The following IKBKB variants were observed in gnomAD, a reference collection of about 807,000 sequenced individuals.
IKBKB encodes the protein inhibitor of nuclear factor kappa-B kinase subunit beta.
Under a neutral mutation model 113.6 loss-of-function variants are expected in IKBKB, and 42 were observed. The observed-to-expected ratio is 0.37, with a 90% CI of 0.29 to 0.48. IKBKB has a LOEUF of 0.48. IKBKB is among the 20% of genes least tolerant of loss of function. IKBKB has a pLI of 0.99. For synonymous variants in IKBKB, 296 were observed against 361.3 expected (o/e 0.82, Z 2.05); for missense variants, 673 against 939.7 (o/e 0.72, Z 3.71).
Position 42,309,041 on chromosome 8 carries a change from G to A in IKBKB, c.692+16G>A. ...CCGTGCAGTGGTGAGTGGGCCCGGG[G>A]CACCTGGATGGAGGAGGGAGCCTGT... On this transcript the variant is annotated intron_variant, in intron 8 of 21. Transcript: ENST00000520810. The A allele has an allele frequency of 1.2e-6, 2 of 1,610,828 alleles. No individual in the cohort carries two copies. Among genetic ancestry groups the A allele is most frequent in the Non-Finnish European group, 1.7e-6 (2 of 1,178,274 alleles).
At chr8:42,308,541 G>C (rs184860246) in intron 7 of IKBKB, among the ~76,000 whole-genome samples, 77 of 152,060 alleles carry the variant, frequency 5.1e-4, no homozygotes, top group African/African-American at 1.7e-3. Context: ...CAAGTAATGC[G>C]CCTACCTCGG....
intron 2 of IKBKB, among the ~76,000 whole-genome samples, chr8:42,280,296 C>G (rs1028380366): frequency 6.6e-6 from 1 of 152,222 alleles, no homozygotes; most frequent in Non-Finnish European, 1.5e-5. Context: ...TCTCCTGCCA[C>G]GCGGGCCTCA....
At chr8:42,281,260 G>C (rs1810323246) in intron 2 of IKBKB, among the ~76,000 whole-genome samples, 1 of 152,190 alleles carries the variant, frequency 6.6e-6, no homozygotes, top group South Asian at 2.1e-4. Context: ...ACTCAGGTGG[G>C]CAGAGCAGCA....
chr8:42,295,575 A>T (rs552857938), intron 5 of IKBKB, among the ~76,000 whole-genome samples: 6 of 152,258 alleles, frequency 3.9e-5, no homozygotes, highest in African/African-American at 1.4e-4. Context: ...AAACACAAAA[A>T]TTAGCTGGGC....
intron 11 of IKBKB, 181 bp downstream of exon 11, chr8:42,317,085 A>G (rs984273182): frequency 4.4e-5 from 30 of 682,476 alleles, no homozygotes; most frequent in Non-Finnish European, 7.7e-5. Context: ...AGGAAACACA[A>G]ATCTCCTTGC....
At chr8:42,305,785 A>G (rs886604069) in intron 6 of IKBKB, among the ~76,000 whole-genome samples, 2 of 152,188 alleles carry the variant, frequency 1.3e-5, no homozygotes, top group African/African-American at 2.4e-5. Context: ...CAAGCTTGAC[A>G]TTGTGGTCTT....
chr8:42,295,011 A>G (rs1390066533), intron 5 of IKBKB, among the ~76,000 whole-genome samples: 1 of 151,012 alleles, frequency 6.6e-6, no homozygotes. Flanking sequence ...TCTTTGGTTA[A>G]AGCTTTGTCA....
At chr8:42,272,989 A>G (rs1295321164) in intron 2 of IKBKB, among the ~76,000 whole-genome samples, 1 of 150,130 alleles carries the variant, frequency 6.7e-6, no homozygotes, top group African/African-American at 2.5e-5. Flanking sequence ...GCGTACCTGT[A>G]GTCCCACTAC....
chr8:42,272,783 C>A (rs190122542), intron 2 of IKBKB, among the ~76,000 whole-genome samples: 1 of 151,632 alleles, frequency 6.6e-6, no homozygotes, highest in Non-Finnish European at 1.5e-5. Flanking sequence ...ACTAAAAATA[C>A]AAAGAATTAG....
intron 2 of IKBKB, among the ~76,000 whole-genome samples, chr8:42,284,691 T>G (rs1811053914): frequency 6.6e-6 from 1 of 152,004 alleles, no homozygotes; most frequent in Admixed American, 6.6e-5. Context: ...CAGGCAGAGC[T>G]GCTGTGGATG....
chr8:42,277,408 C>T (rs546865481), intron 2 of IKBKB, among the ~76,000 whole-genome samples: 1 of 152,018 alleles, frequency 6.6e-6, no homozygotes, highest in African/African-American at 2.4e-5. Flanking sequence ...TTCTCAAGCT[C>T]TTGACCTCAA....
At chr8:42,311,563 C>CAA (rs56282608) in intron 8 of IKBKB, among the ~76,000 whole-genome samples, 394 of 113,464 alleles carry the variant, frequency 3.5e-3, no homozygotes, top group Middle Eastern at 4.4e-3. Flanking sequence ...TCCATCTTAC[C>CAA]AAAAAAAAAA....
At chr8:42,283,598 C>T (rs1419084234) in intron 2 of IKBKB, among the ~76,000 whole-genome samples, 1 of 152,082 alleles carries the variant, frequency 6.6e-6, no homozygotes, top group Non-Finnish European at 1.5e-5. Flanking sequence ...CTAGAAGATG[C>T]AGAAGGAAAA....
At position 42,293,496 on chromosome 8, in the gene IKBKB, C is replaced by G. The variant is rs1813078610; in HGVS notation, c.372C>G (p.Thr124=). 1.9e-6 allele frequency: 3 copies of G among 1,614,192 alleles called. No individual in the cohort carries two copies. Among genetic ancestry groups the G allele is most frequent in the South Asian group, 1.1e-5 (1 of 91,088 alleles). The part of the protein sequence containing the change: ...CCGLREGAIL[T]LLSDIASALR... ...GTCTGCGGGAAGGTGCCATCCTCAC[C>G]TTGCTGAGTGACATTGGTAAATCCC... Residue 124 remains threonine (T), a synonymous_variant, in exon 5 of 22, where the codon ACC becomes ACG. Coordinates refer to ENST00000520810, the MANE Select transcript of IKBKB (RefSeq NM_001556.3).
intron 20 of IKBKB, 169 bp downstream of exon 20, chr8:42,326,266 T>C: frequency 1.3e-6 from 1 of 746,510 alleles, no homozygotes; most frequent in Admixed American, 2.9e-5. Context: ...TGTTTGGCTC[T>C]CATAGTCCCT....
At chr8:42,299,933 T>C (rs1014869252) in intron 5 of IKBKB, among the ~76,000 whole-genome samples, 3 of 152,234 alleles carry the variant, frequency 2.0e-5, no homozygotes, top group African/African-American at 7.2e-5. Context: ...TGTCTGTGCC[T>C]TGGCAGTGAG....
intron 2 of IKBKB, among the ~76,000 whole-genome samples, chr8:42,279,719 T>TGGC (rs1481961948): frequency 6.6e-6 from 1 of 152,164 alleles, no homozygotes; most frequent in Non-Finnish European, 1.5e-5. Context: ...CCTCATGCTT[T>TGGC]TTCCATTGTG....
intron 21 of IKBKB, 173 bp from the exon 22 acceptor site, chr8:42,330,741 C>G (rs1195546580): frequency 3.5e-6 from 3 of 862,742 alleles, no homozygotes; most frequent in Non-Finnish European, 4.2e-6. Context: ...AACTCCTGAC[C>G]TCATGATCTG....
At chr8:42,309,557 C>G (rs888642859) in intron 8 of IKBKB, 4 of 322,216 alleles carry the variant, frequency 1.2e-5, no homozygotes, top group African/African-American at 8.8e-5. Context: ...CAGTTCCAGA[C>G]CAGCCTGGCC....
Sources: allele counts gnomAD v4.1 joint callset (sites outside exome capture counted in the v4.1 genomes callset), GRCh38; gene constraint gnomAD v4.1.1; transcripts MANE v1.5; gene names NCBI Gene and HGNC (gene_info 2026-07-23, HGNC 2026-07-21).